SSH2: variants seen among roughly 807,000 people sequenced by gnomAD.
SSH2 encodes slingshot protein phosphatase 2.
SSH2 carries 37 observed loss-of-function variants against 135.2 expected under a neutral mutation model. That is an observed-to-expected ratio of 0.27 (90% CI 0.21 to 0.36). SSH2 has a LOEUF of 0.36. SSH2 is among the 10% of genes least tolerant of loss of function. The probability of loss-of-function intolerance (pLI) is 1.00; values close to 1 mark genes in which losing one functional copy is unlikely to be tolerated. For missense variants in SSH2, 1,408 were observed against 1,765.3 expected (o/e 0.80, Z 3.63); for synonymous variants, 628 against 646.2 (o/e 0.97, Z 0.43).
chr17:29,836,771 G>T (rs1000658475), intron 2 of SSH2, among the ~76,000 whole-genome samples: 8 of 152,156 alleles, frequency 5.3e-5, no homozygotes, highest in African/African-American at 1.7e-4. Context: ...TGAGATTACA[G>T]AAAATATACA....
chr17:29,720,514 T>C (rs2039787124), intron 3 of SSH2, among the ~76,000 whole-genome samples: 1 of 152,184 alleles, frequency 6.6e-6, no homozygotes, highest in African/African-American at 2.4e-5. Context: ...TGGTAAAGTA[T>C]GTTGAATCTC....
intron 15 of SSH2, among the ~76,000 whole-genome samples, chr17:29,633,361 A>T (rs1381051312): frequency 6.6e-6 from 1 of 152,208 alleles, no homozygotes; most frequent in African/African-American, 2.4e-5. Context: ...ATCTGAGGGA[A>T]AGAGTTCCAT....
intron 3 of SSH2, among the ~76,000 whole-genome samples, chr17:29,732,186 T>C (rs2040220640): frequency 6.6e-6 from 1 of 152,348 alleles, no homozygotes; most frequent in African/African-American, 2.4e-5. Context: ...AAATTAATGA[T>C]ATCTACCTTG....
At position 29,647,958 on chromosome 17, in the gene SSH2, C is replaced by T. The variant is rs145625427; in HGVS notation, c.1427+186G>A. On this transcript the variant is annotated intron_variant, in intron 14 of 15. Transcript: ENST00000540801. ...GATTACAGGCGTGAGCCACTGTGCC[C>T]GGCCAGCCCATGCAAATCTTAAATG... 1.3e-3 allele frequency: 784 copies of T among 613,306 alleles called. 1 individual carries two copies. Among genetic ancestry groups the T allele is most frequent in the African/African-American group, 1.9e-3 (104 of 54,040 alleles). The allele number at this position is 613,306 out of a possible 1,614,324, so 38.0% of individuals were successfully genotyped here.
At position 29,731,542 on chromosome 17, in the gene SSH2, G is replaced by A. The variant is rs192486545; in HGVS notation, c.189-28480C>T. Among the ~76,000 whole-genome samples, 889 of 151,754 alleles carry A rather than the reference G, an allele frequency of 5.9e-3. 7 individuals are homozygous for A. Among genetic ancestry groups the A allele is most frequent in the Middle Eastern group, 0.02 (6 of 294 alleles). ...ACGATCTCGGCTCACTACAACCTCC[G>A]CCTCCCAGGTTCAAGCGATTCTCGT... On this transcript the variant is annotated intron_variant, in intron 3 of 15. Transcript: ENST00000540801.
rs577159039 is a variant in SSH2 at position 29,631,243 on chromosome 17, C to T, written c.3951G>A (p.Gln1317=). The T allele has an allele frequency of 1.2e-6, 2 of 1,614,068 alleles. No individual in the cohort carries two copies. Among genetic ancestry groups the T allele is most frequent in the East Asian group, 4.5e-5 (2 of 44,888 alleles). Residue 1317 remains glutamine (Q), a synonymous_variant, in exon 16 of 16, where the codon CAG becomes CAA. Transcript: ENST00000540801. ...SCESPHLKLL[Q]PFLRTDSGMH... is the part of the protein sequence containing the mutation. Reference sequence around the variant, plus strand: ...TGCCTGAGTCTGTTCTGAGGAAAGGCTGAAGCAGTTTGAGATGAGGGGATT... The same window carrying T: ...TGCCTGAGTCTGTTCTGAGGAAAGGTTGAAGCAGTTTGAGATGAGGGGATT...
intron 3 of SSH2, among the ~76,000 whole-genome samples, chr17:29,751,934 G>A (rs1477476846): frequency 1.8e-4 from 28 of 151,946 alleles, no homozygotes; most frequent in Admixed American, 1.8e-3. Flanking sequence ...AAACGTCATG[G>A]GAAAGTGGAG....
chr17:29,928,512 T>C, intron 1 of SSH2: 1 of 398,572 alleles, frequency 2.5e-6, no homozygotes, highest in East Asian at 3.6e-5. Flanking sequence ...GGCAGTGCAC[T>C]CCACTGTTAC....
Position 29,648,257 on chromosome 17 carries a change from A to G in SSH2, c.1314T>C (p.Tyr438=). 3 of 1,614,182 alleles carry G rather than the reference A, an allele frequency of 1.9e-6. No individual in the cohort carries two copies. The highest frequency in any genetic ancestry group is 2.5e-6 in the Non-Finnish European group (3 of 1,180,040). ...STVIAYAMKE[Y]GWNLDRAYDY... ...CATAGGCTCGGTCCAGATTCCAGCC[A>G]TATTCCTTCATTGCATAGGCAATCA... Residue 438 remains tyrosine (Y), a synonymous_variant, in exon 14 of 16, where the codon TAT becomes TAC. Coordinates refer to ENST00000540801, the MANE Select transcript of SSH2 (RefSeq NM_001282129.2).
At chr17:29,818,136 AGTT>A (rs767533825) in intron 2 of SSH2, among the ~76,000 whole-genome samples, 23 of 151,842 alleles carry the variant, frequency 1.5e-4, no homozygotes, top group Admixed American at 3.9e-4. Flanking sequence ...CTATATAAAT[AGTT>A]GTTATGCAGT....
intron 1 of SSH2, chr17:29,863,660 T>G (rs1446458840): frequency 6.6e-6 from 1 of 152,172 alleles, no homozygotes; most frequent in East Asian, 1.9e-4. Flanking sequence ...ACTGCATTAA[T>G]CACTGTATCA....
chr17:29,709,052 A>AGAGAGAGAGAGAGAGAGAGAGCGC (rs1491229455), intron 3 of SSH2, among the ~76,000 whole-genome samples: 16 of 144,654 alleles, frequency 1.1e-4, no homozygotes, highest in African/African-American at 3.1e-4. Context: ...AGAGAGAGAG[A>AGAGAGAGAGAGAGAGAGAGAGCGC]GCTAATAATA....
intron 15 of SSH2, 132 bp downstream of exon 15, chr17:29,635,836 A>C: frequency 1.3e-6 from 1 of 781,804 alleles, no homozygotes; most frequent in Non-Finnish European, 2.1e-6. Flanking sequence ...TTATTTAAAA[A>C]ATATTTAAAC....
chr17:29,854,580 A>G (rs2065628187), intron 1 of SSH2, among the ~76,000 whole-genome samples: 1 of 151,738 alleles, frequency 6.6e-6, no homozygotes, highest in Non-Finnish European at 1.5e-5. Flanking sequence ...ATGTACTAAG[A>G]AGGAGGTTTT....
At chr17:29,837,799 G>A (rs745877992) in intron 2 of SSH2, among the ~76,000 whole-genome samples, 29 of 152,268 alleles carry the variant, frequency 1.9e-4, no homozygotes, top group Non-Finnish European at 4.0e-4. Context: ...GCCACTGTGA[G>A]GGAAACGCAA....
chr17:29,850,590 C>A (rs1472258789), intron 1 of SSH2, among the ~76,000 whole-genome samples: 1 of 152,154 alleles, frequency 6.6e-6, no homozygotes, highest in Non-Finnish European at 1.5e-5. Flanking sequence ...TCTACTCTGA[C>A]CCTTTGTCTA....
intron 2 of SSH2, among the ~76,000 whole-genome samples, chr17:29,842,790 C>T (rs2043065013): frequency 6.6e-6 from 1 of 152,156 alleles, no homozygotes; most frequent in Admixed American, 6.5e-5. Context: ...ATGTTTGCCA[C>T]TAGCAACACT....
chr17:29,759,559 A>C (rs2041226437), intron 3 of SSH2, among the ~76,000 whole-genome samples: 1 of 152,140 alleles, frequency 6.6e-6, no homozygotes, highest in African/African-American at 2.4e-5. Flanking sequence ...GTTCTCTTCA[A>C]ATACAAATTT....
intron 1 of SSH2, among the ~76,000 whole-genome samples, chr17:29,884,284 T>C (rs1377669223): frequency 2.0e-5 from 3 of 152,216 alleles, no homozygotes; most frequent in Admixed American, 6.5e-5. Context: ...TTTGACAGAA[T>C]TGGACCATTG....
Sources: allele counts gnomAD v4.1 joint callset (sites outside exome capture counted in the v4.1 genomes callset), GRCh38; gene constraint gnomAD v4.1.1; transcripts MANE v1.5; gene names NCBI Gene and HGNC (gene_info 2026-07-23, HGNC 2026-07-21).